Variants in PDE10A observed in about 807,000 individuals in gnomAD.
The protein encoded by PDE10A is phosphodiesterase 10A.
A neutral mutation model predicts 97.7 loss-of-function variants in PDE10A; 39 were observed. That is an observed-to-expected ratio of 0.40 (90% CI 0.31 to 0.52). The LOEUF (loss-of-function observed/expected upper bound fraction) is 0.52, where lower values mean the gene tolerates loss of function less well. PDE10A is among the 20% of genes least tolerant of loss of function. PDE10A has a pLI of 0.56. For missense variants in PDE10A, 731 were observed against 1,047.8 expected, an observed-to-expected ratio of 0.70 and a Z score of 4.17; for synonymous variants, 371 against 376.8, an observed-to-expected ratio of 0.98 and a Z score of 0.18.
intron 2 of PDE10A, among the ~76,000 whole-genome samples, chr6:165,485,254 G>A (rs1054733608): frequency 9.2e-5 from 14 of 151,976 alleles, no homozygotes; most frequent in African/African-American, 2.9e-4. Context: ...GATGGATCAC[G>A]AGGTCAGATC....
At chr6:165,735,009 G>T (rs932552546) in intron 1 of PDE10A, among the ~76,000 whole-genome samples, 3 of 139,374 alleles carry the variant, frequency 2.2e-5, no homozygotes, top group African/African-American at 1.0e-4. Flanking sequence ...AGGTAGGTAG[G>T]TAGATAGGTA....
chr6:165,560,118 A>C (rs1417064340), intron 1 of PDE10A, among the ~76,000 whole-genome samples: 4 of 152,252 alleles, frequency 2.6e-5, no homozygotes, highest in Non-Finnish European at 5.9e-5. Context: ...GGTTGGTCCT[A>C]AAATAGGAAG....
chr6:165,538,377 C>T (rs1783225680), intron 2 of PDE10A, among the ~76,000 whole-genome samples: 2 of 152,012 alleles, frequency 1.3e-5, no homozygotes, highest in African/African-American at 4.8e-5. Flanking sequence ...ATATTTTAGA[C>T]ACGATCATAG....
chr6:165,513,050 G>A (rs1360033406), intron 2 of PDE10A, among the ~76,000 whole-genome samples: 1 of 151,960 alleles, frequency 6.6e-6, no homozygotes, highest in Non-Finnish European at 1.5e-5. Flanking sequence ...CTGGATACAA[G>A]TTCTTAGTGA....
In PDE10A at chr6:165,392,303, A is replaced by G. The variant is rs534304789; in HGVS notation, c.2454+343T>C. ...GAATGCTCTAGGTTCTCAAATAGGC[A>G]GGATACGTCTACATTATCCAGGGCA... is the stretch of plus-strand genomic sequence containing the variant. On this transcript the variant is annotated intron_variant, in intron 16 of 21. Transcript: ENST00000539869. Among the ~76,000 whole-genome samples the G allele has an allele frequency of 5.3e-5, 8 of 152,346 alleles. No individual in the cohort carries two copies. In the East Asian group the frequency reaches 7.7e-4, roughly 15 times the overall value.
chr6:165,421,326 C>G (rs1203799497), intron 10 of PDE10A, among the ~76,000 whole-genome samples: 2 of 152,022 alleles, frequency 1.3e-5, no homozygotes, highest in African/African-American at 4.8e-5. Flanking sequence ...ATCTGAAGTC[C>G]CAAACACTCA....
At chr6:165,950,296 A>G (rs944386749) in intron 1 of PDE10A, among the ~76,000 whole-genome samples, 4 of 152,252 alleles carry the variant, frequency 2.6e-5, no homozygotes, top group Admixed American at 6.5e-5. Flanking sequence ...AGGCTTTTAT[A>G]GCTTGATAGC....
intron 5 of PDE10A, among the ~76,000 whole-genome samples, chr6:165,448,480 A>T (rs1479112408): frequency 6.6e-6 from 1 of 152,142 alleles, no homozygotes. Context: ...TTAGGGATCT[A>T]GACACAAAGC....
At position 165,711,734 on chromosome 6, in the gene PDE10A, C is replaced by T. The variant is rs1175714242; in HGVS notation, c.-614-168166G>A. ...AGGCACAAGCCTGTTCAGAACAACC[C>T]AGGAACTGTGCTAATTCACTCGTCA... is the stretch of plus-strand genomic sequence containing the variant. On this transcript the variant is annotated intron_variant, in intron 1 of 19. Transcript: ENST00000366882. The surrounding 1 kb of genome is among the most constrained non-coding windows in gnomAD (Gnocchi z 4.5). Among the ~76,000 whole-genome samples, 2 of 152,172 alleles carry T rather than the reference C, an allele frequency of 1.3e-5. No individual in the cohort carries two copies. The highest frequency in any genetic ancestry group is 2.4e-5 in the African/African-American group (1 of 41,448).
At chr6:165,601,971 AT>A (rs1223458475) in intron 1 of PDE10A, among the ~76,000 whole-genome samples, 5 of 152,182 alleles carry the variant, frequency 3.3e-5, no homozygotes, top group Admixed American at 3.3e-4. Context: ...TAACCAATAT[AT>A]TTTAAAACAG....
chr6:165,380,884 G>C (rs980292081), intron 17 of PDE10A, among the ~76,000 whole-genome samples: 13 of 152,350 alleles, frequency 8.5e-5, no homozygotes, highest in African/African-American at 3.1e-4. Context: ...GAAGCAGGTA[G>C]CTCCTGCATC....
chr6:165,795,151 G>A (rs1027515568), intron 1 of PDE10A, among the ~76,000 whole-genome samples: 6 of 152,302 alleles, frequency 3.9e-5, no homozygotes, highest in East Asian at 1.9e-4. Flanking sequence ...TTTTCTGGAG[G>A]TGGCTCTGAA....
chr6:165,369,259 C>A (rs1469711115), intron 18 of PDE10A, among the ~76,000 whole-genome samples: 1 of 152,064 alleles, frequency 6.6e-6, no homozygotes, highest in Non-Finnish European at 1.5e-5. Flanking sequence ...GAGCAGAAGG[C>A]TTCAGACGAT....
intron 1 of PDE10A, among the ~76,000 whole-genome samples, chr6:165,825,751 A>C (rs763049297): frequency 1.3e-5 from 2 of 152,258 alleles, no homozygotes; most frequent in Non-Finnish European, 2.9e-5. Context: ...GTCCTTCAGC[A>C]GTGGGAGTGG....
intron 1 of PDE10A, among the ~76,000 whole-genome samples, chr6:165,712,996 A>G (rs1035205364): frequency 3.9e-5 from 6 of 152,172 alleles, no homozygotes; most frequent in African/African-American, 1.4e-4. Flanking sequence ...TTGCAATCTG[A>G]AATACTTTCT....
intron 2 of PDE10A, among the ~76,000 whole-genome samples, chr6:165,537,065 GGATA>G (rs1303290173): frequency 1.3e-5 from 2 of 151,808 alleles, no homozygotes; most frequent in Non-Finnish European, 2.9e-5. Context: ...ATGGGTGAAT[GGATA>G]AAGAAAATGT....
chr6:165,855,401 G>A (rs2128475617), intron 1 of PDE10A, among the ~76,000 whole-genome samples: 1 of 151,588 alleles, frequency 6.6e-6, no homozygotes, highest in South Asian at 2.1e-4. Flanking sequence ...GCCGCGGACT[G>A]TGGTCTGCCC....
intron 2 of PDE10A, among the ~76,000 whole-genome samples, chr6:165,500,453 T>C (rs1412320957): frequency 6.6e-6 from 1 of 152,128 alleles, no homozygotes; most frequent in African/African-American, 2.4e-5. Context: ...TGACTCAAGG[T>C]TTAATGGATT....
chr6:165,629,887 T>TA (rs34550477), intron 1 of PDE10A, among the ~76,000 whole-genome samples: 44,119 of 151,984 alleles, frequency 0.29, 6,641 homozygotes, highest in Middle Eastern at 0.43. Context: ...TGTTTTTTTT[T>TA]AATTAAAGAA....
Sources: gnomAD v4.1 joint callset for allele counts (sites outside exome capture counted in the v4.1 genomes callset) on GRCh38, gnomAD v4.1.1 for gene constraint, Gnocchi (gnomAD v3.1) non-coding constraint, MANE v1.5 for transcripts, NCBI Gene and HGNC (gene_info 2026-07-23, HGNC 2026-07-21) for gene names.